The following DPH6 variants were observed in gnomAD, a reference collection of about 807,000 sequenced individuals.
The protein encoded by DPH6 is diphthine--ammonia ligase.
DPH6 carries 33 observed loss-of-function variants against 38.2 expected under a neutral mutation model. That is an observed-to-expected ratio of 0.86 (90% CI 0.65 to 1.15). The LOEUF (loss-of-function observed/expected upper bound fraction) is 1.15. Among genes scored for constraint, DPH6 ranks in the 50% most tolerant of loss-of-function variants. DPH6 has a pLI of 0.00. For missense variants in DPH6, 325 were observed against 320.0 expected, an observed-to-expected ratio of 1.02 and a Z score of -0.12; for synonymous variants, 108 against 103.0, an observed-to-expected ratio of 1.05 and a Z score of -0.30.
At chr15:35,529,527 G>A (rs1387844248) in intron 3 of DPH6, among the ~76,000 whole-genome samples, 3 of 151,982 alleles carry the variant, frequency 2.0e-5, no homozygotes, top group East Asian at 1.9e-4. Flanking sequence ...TGCCCATAAC[G>A]CCCTTCTGAT....
In DPH6 at chr15:35,401,042, T is replaced by C; in HGVS notation, c.567+9793A>G. 1.0e-5 allele frequency: 9 copies of C among 884,236 alleles called. No individual in the cohort carries two copies. In the South Asian group the frequency reaches 1.2e-4, roughly 11 times the overall value. The allele number at this position is 884,236 out of a possible 1,614,324, so 54.8% of individuals were successfully genotyped here. A position where few individuals can be genotyped will look rare whatever the true frequency, so the allele number is the denominator to read the frequency against. ...GCATTAAAGAAGACACAGAAGAACA[T>C]CACCTAAGAGATTATTTTCAACAGT... On this transcript the variant is annotated intron_variant, in intron 6 of 8. Transcript: ENST00000256538.
intron 3 of DPH6, chr15:35,522,050 T>C: frequency 2.5e-6 from 4 of 1,590,402 alleles, no homozygotes; most frequent in Non-Finnish European, 3.4e-6. Context: ...GTCTAAGTTT[T>C]TAAACAGGAA....
Position 35,372,084 on chromosome 15 carries a change from A to C in DPH6, c.*66T>G. The C allele has an allele frequency of 6.8e-7, 1 of 1,480,592 alleles. No homozygotes were observed. Among genetic ancestry groups the C allele is most frequent in the Non-Finnish European group, 8.9e-7 (1 of 1,120,368 alleles). 91.7% of individuals were successfully genotyped at this position (1,480,592 alleles called of 1,614,324 possible). A position where few individuals can be genotyped will look rare whatever the true frequency, so the allele number is the denominator to read the frequency against. On this transcript the variant is annotated 3_prime_UTR_variant, in exon 9 of 9. Coordinates refer to ENST00000256538, the MANE Select transcript of DPH6 (RefSeq NM_080650.4). ...AAAAATAAACTAGTCATAGTAACTG[A>C]GAAAATACTATGCAATTTTTTTGTA...
intron 3 of DPH6, among the ~76,000 whole-genome samples, chr15:35,478,373 ACAC>A: frequency 8.1e-6 from 1 of 123,490 alleles, no homozygotes; most frequent in South Asian, 2.6e-4. Flanking sequence ...ACATACACAC[ACAC>A]ACACACACAC....
At chr15:35,491,548 TACACACACACACACACACACACACAC>T (rs71309445) in intron 3 of DPH6, among the ~76,000 whole-genome samples, 2 of 137,696 alleles carry the variant, frequency 1.5e-5, no homozygotes, top group African/African-American at 5.4e-5. Flanking sequence ...CCAATAGGTG[TACACACACACACACACACACACACAC>T]ACACACACAC....
intron 3 of DPH6, among the ~76,000 whole-genome samples, chr15:35,532,667 A>T (rs2055105794): frequency 6.6e-6 from 1 of 152,200 alleles, no homozygotes; most frequent in South Asian, 2.1e-4. Context: ...GTGGAATATT[A>T]AGGTGGAAAT....
chr15:35,214,830 A>C (rs1356793668), downstream of DPH6, among the ~76,000 whole-genome samples: 1 of 151,850 alleles, frequency 6.6e-6, no homozygotes, highest in Non-Finnish European at 1.5e-5. Flanking sequence ...CTTGTCTCGA[A>C]CTCCTGACCT....
chr15:35,471,630 C>T (rs144880171), intron 3 of DPH6, among the ~76,000 whole-genome samples: 29 of 152,234 alleles, frequency 1.9e-4, no homozygotes, highest in African/African-American at 7.0e-4. Flanking sequence ...CTTCGTTCAA[C>T]CCTTTGTTCT....
At chr15:35,433,349 A>C (rs1321253311) in intron 5 of DPH6, among the ~76,000 whole-genome samples, 1 of 152,178 alleles carries the variant, frequency 6.6e-6, no homozygotes, top group Non-Finnish European at 1.5e-5. Flanking sequence ...ACTTAACTTT[A>C]TGAAGATAGC....
the DPH6 span, among the ~76,000 whole-genome samples, chr15:35,163,081 A>G: frequency 1.3e-5 from 2 of 151,916 alleles, no homozygotes; most frequent in East Asian, 3.9e-4. Context: ...CTCGGTGAGC[A>G]GAAAGGTGAA....
At chr15:35,521,589 T>G in intron 3 of DPH6, 3 of 1,228,066 alleles carry the variant, frequency 2.4e-6, no homozygotes, top group Non-Finnish European at 3.0e-6. Context: ...ATTTGCAATA[T>G]TGCTTTTCAT....
chr15:35,227,665 G>A (rs1364418885), intron 3 of DPH6, among the ~76,000 whole-genome samples: 2 of 150,808 alleles, frequency 1.3e-5, no homozygotes, highest in Non-Finnish European at 3.0e-5. Context: ...CTTCTACTAA[G>A]TTTGGTTTTG....
intron 3 of DPH6, among the ~76,000 whole-genome samples, chr15:35,323,906 G>C (rs916371647): frequency 6.6e-6 from 1 of 152,106 alleles, no homozygotes. Context: ...TAAATAGCTT[G>C]AGAAAAGTAC....
intron 5 of DPH6, among the ~76,000 whole-genome samples, chr15:35,444,429 C>T (rs557927329): frequency 2.6e-5 from 4 of 152,252 alleles, no homozygotes; most frequent in Non-Finnish European, 4.4e-5. Flanking sequence ...AGCAATGTCC[C>T]ATAATTTAGG....
At chr15:35,278,524 A>G (rs1350852843) in intron 3 of DPH6, among the ~76,000 whole-genome samples, 1 of 152,218 alleles carries the variant, frequency 6.6e-6, no homozygotes, top group African/African-American at 2.4e-5. Flanking sequence ...GAGACCCTAT[A>G]CAGAGTCCCC....
At chr15:35,299,087 C>A in intron 3 of DPH6, 1 of 799,224 alleles carries the variant, frequency 1.3e-6, no homozygotes. Context: ...CTCCCGCTGT[C>A]TTTGTCCTTC....
intron 5 of DPH6, among the ~76,000 whole-genome samples, chr15:35,412,996 G>C (rs941358924): frequency 9.6e-6 from 1 of 104,424 alleles, no homozygotes; most frequent in Non-Finnish European, 2.6e-5. Flanking sequence ...GGGTGATTAT[G>C]ATGTGTCATT....
rs1185060816 is a variant in DPH6, at chr15:35,401,088, G to A, written c.567+9747C>T. 8.8e-6 allele frequency: 8 copies of A among 906,492 alleles called. No homozygotes were observed. The East Asian group carries it at 1.9e-4, about 22-fold the overall frequency. The allele number at this position is 906,492 out of a possible 1,614,324, so 56.2% of individuals were successfully genotyped here. On this transcript the variant is annotated intron_variant, in intron 6 of 8. Transcript: ENST00000256538. ...ACAGTACAGAAAAATTGAAGAAAAG[G>A]GGCTTTGCCTTTGTAACCTTTGATG...
At chr15:35,279,373 G>A (rs1415694827) in intron 3 of DPH6, among the ~76,000 whole-genome samples, 1 of 152,094 alleles carries the variant, frequency 6.6e-6, no homozygotes, top group Non-Finnish European at 1.5e-5. Context: ...TGCATGTAAG[G>A]ACATGAGATT....
Sources: allele counts gnomAD v4.1 joint callset (sites outside exome capture counted in the v4.1 genomes callset), GRCh38; gene constraint gnomAD v4.1.1; transcripts MANE v1.5; gene names NCBI Gene and HGNC (gene_info 2026-07-23, HGNC 2026-07-21).